AKAP3: variants seen among roughly 807,000 people sequenced by gnomAD.
AKAP3 encodes A-kinase anchor protein 3.
AKAP3 carries 27 observed loss-of-function variants against 57.2 expected under a neutral mutation model. The ratio of observed to expected loss-of-function variants is 0.47; its 90% CI spans 0.35 to 0.65. The LOEUF is 0.65. Among genes scored for constraint, AKAP3 ranks in the 30% least tolerant of loss-of-function variants. The probability of loss-of-function intolerance (pLI) is 0.01; values close to 1 mark genes in which losing one functional copy is unlikely to be tolerated. For missense variants in AKAP3, 959 were observed against 1,040.0 expected (o/e 0.92, Z 1.07); for synonymous variants, 334 against 392.3 (o/e 0.85, Z 1.76).
chr12:4,638,843 G>A (rs1945598776), intron 3 of AKAP3, among the ~76,000 whole-genome samples: 1 of 152,202 alleles, frequency 6.6e-6, no homozygotes, highest in East Asian at 1.9e-4. Context: ...TATGGACGCA[G>A]TGATTTCCTT....
chr12:4,617,714 T>TG (rs1440430494), intron 5 of AKAP3, among the ~76,000 whole-genome samples: 1 of 146,934 alleles, frequency 6.8e-6, no homozygotes, highest in African/African-American at 2.5e-5. Context: ...ATCACGCCAC[T>TG]GCACTCCAGC....
chr12:4,648,419 A>C (rs1249733785), intron 1 of AKAP3: 1 of 152,246 alleles, frequency 6.6e-6, no homozygotes, highest in Non-Finnish European at 1.5e-5. Flanking sequence ...TTTGGTATAT[A>C]AACTTAAACC....
At chr12:4,631,454 G>A (rs922333763) in intron 4 of AKAP3, 15 of 655,786 alleles carry the variant, frequency 2.3e-5, no homozygotes, top group Non-Finnish European at 3.5e-5. Context: ...GCTATAAACT[G>A]TCTCTATCAG....
intron 4 of AKAP3, 25 bp downstream of exon 4, chr12:4,638,076 T>C: frequency 1.9e-6 from 3 of 1,539,950 alleles, no homozygotes; most frequent in Non-Finnish European, 2.7e-6. Flanking sequence ...CTTAACCTAG[T>C]GTTTATCAAG....
intron 3 of AKAP3, among the ~76,000 whole-genome samples, chr12:4,641,062 C>CTTTTTTTTTTTTTT (rs374817430): frequency 1.5e-5 from 1 of 68,698 alleles, no homozygotes; most frequent in Non-Finnish European, 2.5e-5. Context: ...TTCTAACTTC[C>CTTTTTTTTTTTTTT]TTTTTTTTTT....
intron 5 of AKAP3, among the ~76,000 whole-genome samples, chr12:4,617,068 G>T (rs1945294040): frequency 6.6e-6 from 1 of 151,850 alleles, no homozygotes; most frequent in Non-Finnish European, 1.5e-5. Context: ...TAAAGAAAAA[G>T]AAAAAAATCT....
At chr12:4,636,992 C>T (rs1234210169) in intron 4 of AKAP3, among the ~76,000 whole-genome samples, 2 of 152,188 alleles carry the variant, frequency 1.3e-5, no homozygotes, top group Admixed American at 6.5e-5. Context: ...GCAATCCTCC[C>T]ACCTTGGCCT....
chr12:4,632,180 C>A (rs117795187), intron 4 of AKAP3, among the ~76,000 whole-genome samples: 1 of 151,888 alleles, frequency 6.6e-6, no homozygotes, highest in Non-Finnish European at 1.5e-5. Flanking sequence ...GATGGCTAAG[C>A]GTAAAGTATA....
At chr12:4,635,626 T>G (rs1356257644) in intron 4 of AKAP3, 3 of 776,904 alleles carry the variant, frequency 3.9e-6, no homozygotes, top group Non-Finnish European at 6.8e-6. Flanking sequence ...CAGGACATGC[T>G]TGCCTCTGAA....
chr12:4,639,547 G>A (rs890499120), intron 3 of AKAP3, among the ~76,000 whole-genome samples: 4 of 151,898 alleles, frequency 2.6e-5, no homozygotes, highest in African/African-American at 7.2e-5. Context: ...ATTTACATTA[G>A]GTATTTCTCC....
chr12:4,615,698 G>T lies in AKAP3; in HGVS notation c.*41C>A. ...AGAAAGAAGGGCGGGGATAAGGGCCGGCCCCACTGCCAGAAGAGGGGAAAG... is the reference window on the plus strand; with the variant it reads ...AGAAAGAAGGGCGGGGATAAGGGCCTGCCCCACTGCCAGAAGAGGGGAAAG... On this transcript the variant is annotated 3_prime_UTR_variant, in exon 6 of 6. Coordinates refer to ENST00000228850, the MANE Select transcript of AKAP3 (RefSeq NM_001278309.2). 4 of 1,598,034 alleles carry T rather than the reference G, an allele frequency of 2.5e-6. No individual in the cohort carries two copies. The highest frequency in any genetic ancestry group is 3.4e-6 in the Non-Finnish European group (4 of 1,169,040).
At position 4,628,417 on chromosome 12, in the gene AKAP3, C is replaced by T; in HGVS notation, c.485G>A (p.Gly162Glu). 6.2e-7 allele frequency: 1 copy of T among 1,614,122 alleles called. No individual in the cohort carries two copies. The highest frequency in any genetic ancestry group is 1.7e-4 in the Middle Eastern group (1 of 6,056). ...NKCVYQSLYMGNEPTPTKSLS... is the reference protein window; with the variant it reads ...NKCVYQSLYMENEPTPTKSLS... ...GCTTTTGGTGGGTGTGGGTTCATTC[C>T]CCATGTACAATGACTGATAGACACA... Residue 162 changes from glycine to glutamate, a missense_variant, in exon 5 of 6, where the codon GGG becomes GAG. Transcript: ENST00000228850.
At chr12:4,634,414 C>T (rs1445953204) in intron 4 of AKAP3, among the ~76,000 whole-genome samples, 1 of 152,094 alleles carries the variant, frequency 6.6e-6, no homozygotes, top group Non-Finnish European at 1.5e-5. Context: ...AAAAGTAATA[C>T]ATATATGGAG....
chr12:4,637,994 C>T (rs1945587223), intron 4 of AKAP3, 107 bp downstream of exon 4: 2 of 993,084 alleles, frequency 2.0e-6, no homozygotes, highest in African/African-American at 1.6e-5. Flanking sequence ...CTCAAGAATC[C>T]CACCTTGAAA....
In AKAP3 at chr12:4,625,815, G is replaced by A. The variant is rs1945405523; in HGVS notation, c.2406+681C>T. On this transcript the variant is annotated intron_variant, in intron 5 of 5. Transcript: ENST00000228850. The surrounding 1 kb of genome is among the most constrained non-coding windows in gnomAD (Gnocchi z 5.4). ...AGTGTGAAGCATCTGGGGTAAGTGT[G>A]CGTGTTCTCCAGACTCAAACCCTCC... is the stretch of plus-strand genomic sequence containing the variant. 6.6e-6 allele frequency among the ~76,000 whole-genome samples: 1 copy of A among 152,122 alleles called. No individual in the cohort carries two copies. The highest frequency in any genetic ancestry group is 2.4e-5 in the African/African-American group (1 of 41,430).
chr12:4,643,935 C>T (rs977152314), intron 2 of AKAP3, among the ~76,000 whole-genome samples: 4 of 152,146 alleles, frequency 2.6e-5, no homozygotes, highest in Non-Finnish European at 5.9e-5. Flanking sequence ...AGTACTTGAT[C>T]GAGTTTTGAG....
In AKAP3 at chr12:4,628,586, T is replaced by C; in HGVS notation, c.316A>G (p.Ile106Val). The change falls in exon 5 of 6, where the codon ATT becomes GTT. Residue 106 changes from isoleucine (I) to valine (V), a missense_variant. Physicochemically the swap from Ile to Val is conservative, Grantham distance 29 (BLOSUM62 3). Transcript: ENST00000228850. ...RLHFEMTHKE[I>V]PCQGPRAQLG... ...TGGGCCCTGGGGCCCTGGCAAGGAA[T>C]CTCTTTGTGAGTCATCTCAAAATGC... 2 of 1,614,228 alleles carry C rather than the reference T, an allele frequency of 1.2e-6. No individual in the cohort carries two copies. Among genetic ancestry groups the C allele is most frequent in the Non-Finnish European group, 1.7e-6 (2 of 1,180,022 alleles).
chr12:4,645,409 T>C (rs544628556), intron 1 of AKAP3: 1 of 152,250 alleles, frequency 6.6e-6, no homozygotes, highest in Admixed American at 6.5e-5. Context: ...GGACCAGTTT[T>C]GTGAAAGACA....
At chr12:4,641,027 T>C (rs1290143070) in intron 3 of AKAP3, among the ~76,000 whole-genome samples, 1 of 149,116 alleles carries the variant, frequency 6.7e-6, no homozygotes, top group Non-Finnish European at 1.5e-5. Flanking sequence ...ACCCATTTCT[T>C]TAAAAATTTT....
Sources: gnomAD v4.1 joint callset for allele counts (sites outside exome capture counted in the v4.1 genomes callset) on GRCh38, gnomAD v4.1.1 for gene constraint, Gnocchi (gnomAD v3.1) non-coding constraint, MANE v1.5 for transcripts, NCBI Gene and HGNC (gene_info 2026-07-23, HGNC 2026-07-21) for gene names.